Variants in AKAP13 observed in about 807,000 individuals in gnomAD.
The protein encoded by AKAP13 is A-kinase anchor protein 13.
In AKAP13, 80 loss-of-function variants were observed where a neutral mutation model predicts 264.5. The ratio of observed to expected loss-of-function variants is 0.30; its 90% CI spans 0.25 to 0.36. The LOEUF is 0.36. AKAP13 is among the 10% of genes least tolerant of loss of function. The pLI, the probability that AKAP13 is intolerant of heterozygous loss-of-function variation, is 1.00. For missense variants in AKAP13, 3,712 were observed against 3,435.2 expected, an observed-to-expected ratio of 1.08 and a Z score of -2.01; for synonymous variants, 1,380 against 1,250.2, an observed-to-expected ratio of 1.10 and a Z score of -2.19.
chr15:85,601,452 A>G (rs1410220878), intron 8 of AKAP13, among the ~76,000 whole-genome samples: 1 of 152,200 alleles, frequency 6.6e-6, no homozygotes, highest in Non-Finnish European at 1.5e-5. Context: ...ATTAGCTTTC[A>G]TATAGTCTGT....
At chr15:85,451,292 A>G (rs2074080710) in intron 1 of AKAP13, among the ~76,000 whole-genome samples, 1 of 152,158 alleles carries the variant, frequency 6.6e-6, no homozygotes, top group African/African-American at 2.4e-5. Context: ...GGTCTCTTGA[A>G]GACAGCATAC....
At chr15:85,458,381 T>G (rs894751965) in intron 1 of AKAP13, among the ~76,000 whole-genome samples, 40 of 122,676 alleles carry the variant, frequency 3.3e-4, no homozygotes, top group African/African-American at 1.6e-3. Flanking sequence ...TTTTTTGTAT[T>G]TTTTGTTTTT....
chr15:85,546,566 C>T (rs532947081), intron 5 of AKAP13, among the ~76,000 whole-genome samples: 27 of 152,216 alleles, frequency 1.8e-4, no homozygotes, highest in African/African-American at 6.0e-4. Context: ...TCTTTCCTTC[C>T]ACTCCTGGGA....
Position 85,680,361 on chromosome 15 carries a change from A to G in AKAP13, c.5102-1797A>G, listed in dbSNP as rs575448228. ...TAAGATTAAAATGCTGATATTTTAC[A>G]CCTAGATTATGCAGAACCTGGGGAT... On this transcript the variant is annotated intron_variant, in intron 14 of 36. Transcript: ENST00000394518. Among the ~76,000 whole-genome samples, 7 of 152,180 alleles carry G rather than the reference A, an allele frequency of 4.6e-5. No homozygotes were observed. In the South Asian group the frequency reaches 6.2e-4, roughly 14 times the overall value.
chr15:85,742,394 A>T (rs1044950606), intron 35 of AKAP13, among the ~76,000 whole-genome samples: 2 of 152,232 alleles, frequency 1.3e-5, no homozygotes, highest in Non-Finnish European at 2.9e-5. Flanking sequence ...TGGTCCTGAG[A>T]CAGCAGGAAA....
At chr15:85,668,064 A>G (rs536808289) in intron 13 of AKAP13, among the ~76,000 whole-genome samples, 1 of 152,238 alleles carries the variant, frequency 6.6e-6, no homozygotes, top group East Asian at 1.9e-4. Context: ...TAGGCATTTG[A>G]GCTGCTTGTT....
chr15:85,737,076 A>G (rs1283074467), intron 33 of AKAP13, among the ~76,000 whole-genome samples: 1 of 151,756 alleles, frequency 6.6e-6, no homozygotes, highest in African/African-American at 2.4e-5. Context: ...ACGCCACTAC[A>G]CCTGACTAAT....
chr15:85,391,011 G>T (rs1230941271), intron 1 of AKAP13, among the ~76,000 whole-genome samples: 1 of 152,186 alleles, frequency 6.6e-6, no homozygotes, highest in African/African-American at 2.4e-5. Context: ...TTAGAGAATT[G>T]TAGATAGAGA....
Position 85,727,081 on chromosome 15 carries a change from G to A in AKAP13, c.6838G>A (p.Val2280Met). ...IFASLDQKSTVISLKKLIVRE... is the reference protein window; with the variant it reads ...IFASLDQKSTMISLKKLIVRE... The stretch of plus-strand genomic sequence containing the variant: ...CTTTTTCCAGGACCAGAAGTCAACA[G>A]TGATCTCTTTAAAGAAGCTGATTGT... Residue 2280 changes from valine (V) to methionine (M), a missense_variant, in exon 28 of 37, where the codon GTG (valine) becomes ATG (methionine). Val to Met is a conservative substitution (Grantham distance 21). Transcript: ENST00000394518. The surrounding 1 kb of genome is among the most constrained non-coding windows in gnomAD (Gnocchi z 5.3). 6.2e-7 allele frequency: 1 copy of A among 1,614,176 alleles called. No homozygotes were observed. Among genetic ancestry groups the A allele is most frequent in the Non-Finnish European group, 8.5e-7 (1 of 1,180,014 alleles).
At chr15:85,470,846 A>G (rs781556544) in intron 1 of AKAP13, among the ~76,000 whole-genome samples, 2 of 152,254 alleles carry the variant, frequency 1.3e-5, no homozygotes, top group East Asian at 1.9e-4. Context: ...GCAGTATCTC[A>G]GGAACATTCA....
chr15:85,407,230 CT>C (rs796411972), intron 1 of AKAP13, among the ~76,000 whole-genome samples: 322 of 132,126 alleles, frequency 2.4e-3, no homozygotes, highest in Middle Eastern at 3.8e-3. Context: ...TGTGCTGGGT[CT>C]TTTTTTTTTT....
chr15:85,461,341 C>G (rs1466437954), intron 1 of AKAP13, among the ~76,000 whole-genome samples: 1 of 152,146 alleles, frequency 6.6e-6, no homozygotes, highest in African/African-American at 2.4e-5. Context: ...GTCTCAAACT[C>G]CTGACTTCAG....
intron 8 of AKAP13, among the ~76,000 whole-genome samples, chr15:85,635,447 T>A (rs949662843): frequency 6.6e-6 from 1 of 152,178 alleles, no homozygotes; most frequent in African/African-American, 2.4e-5. Context: ...CTTTTATTTT[T>A]AAATATTCCG....
chr15:85,583,755 G>C (rs2079220022), intron 7 of AKAP13, among the ~76,000 whole-genome samples: 1 of 152,170 alleles, frequency 6.6e-6, no homozygotes, highest in African/African-American at 2.4e-5. Context: ...GTAAAAACCA[G>C]GGAGAATTTC....
chr15:85,740,371 A>G, intron 34 of AKAP13, 99 bp downstream of exon 34: 2 of 1,364,954 alleles, frequency 1.5e-6, no homozygotes, highest in Non-Finnish European at 1.0e-6. Flanking sequence ...AGGATGTTTA[A>G]TGGATAAATG....
At chr15:85,417,967 A>G (rs1476960745) in intron 1 of AKAP13, among the ~76,000 whole-genome samples, 1 of 151,980 alleles carries the variant, frequency 6.6e-6, no homozygotes, top group Non-Finnish European at 1.5e-5. Flanking sequence ...TTTTAATTCA[A>G]TATATAAAAG....
At chr15:85,522,845 ATC>A (rs1425701744) in intron 3 of AKAP13, among the ~76,000 whole-genome samples, 4 of 151,448 alleles carry the variant, frequency 2.6e-5, no homozygotes, top group African/African-American at 9.7e-5. Flanking sequence ...TCTGCTAATC[ATC>A]TCTCCTCTTA....
At chr15:85,529,806 T>C (rs1053206336) in intron 3 of AKAP13, among the ~76,000 whole-genome samples, 4 of 152,190 alleles carry the variant, frequency 2.6e-5, no homozygotes, top group African/African-American at 9.7e-5. Flanking sequence ...TAAAGACTAA[T>C]CCAGGAAACC....
chr15:85,666,081 G>T (rs1392325012), intron 13 of AKAP13, among the ~76,000 whole-genome samples: 1 of 152,174 alleles, frequency 6.6e-6, no homozygotes, highest in African/African-American at 2.4e-5. Flanking sequence ...TCTAGTTCTA[G>T]ATCCTTGAGG....
Sources: allele counts gnomAD v4.1 joint callset (sites outside exome capture counted in the v4.1 genomes callset), GRCh38; gene constraint gnomAD v4.1.1; non-coding constraint Gnocchi (gnomAD v3.1); transcripts MANE v1.5; gene names NCBI Gene and HGNC (gene_info 2026-07-23, HGNC 2026-07-21).